The following ACYP2 variants were observed in gnomAD, a reference collection of about 807,000 sequenced individuals.
ACYP2 encodes acylphosphatase-2.
ACYP2 carries 12 observed loss-of-function variants against 11.2 expected under a neutral mutation model. The ratio of observed to expected loss-of-function variants is 1.08; its 90% confidence interval spans 0.69 to 1.74. The LOEUF (loss-of-function observed/expected upper bound fraction) is 1.74. Ranked by LOEUF, ACYP2 falls within the 40% of genes most tolerant of loss-of-function variation. The pLI is 0.00. For synonymous variants in ACYP2, 43 were observed against 32.2 expected (o/e 1.33, Z -1.13); for missense variants, 134 against 101.9 (o/e 1.31, Z -1.35).
intron 6 of ACYP2, among the ~76,000 whole-genome samples, chr2:54,280,412 G>A (rs1044566787): frequency 1.4e-4 from 21 of 152,074 alleles, no homozygotes; most frequent in African/African-American, 5.1e-4. Context: ...GATACAAGCG[G>A]GGAGGTTCAG....
intron 6 of ACYP2, among the ~76,000 whole-genome samples, chr2:54,191,243 C>G (rs1424526991): frequency 6.6e-6 from 1 of 152,172 alleles, no homozygotes; most frequent in Non-Finnish European, 1.5e-5. Context: ...GTTCAAGGCC[C>G]CATGTAAACT....
At chr2:54,150,681 C>T (rs1682115138) in intron 6 of ACYP2, among the ~76,000 whole-genome samples, 1 of 151,986 alleles carries the variant, frequency 6.6e-6, no homozygotes, top group Non-Finnish European at 1.5e-5. Flanking sequence ...CTCGGCCTCC[C>T]AAAGTGCTGG....
intron 4 of ACYP2, among the ~76,000 whole-genome samples, chr2:54,133,769 G>A (rs1224121730): frequency 2.0e-5 from 3 of 152,124 alleles, no homozygotes; most frequent in Non-Finnish European, 4.4e-5. Flanking sequence ...CACTAAAGGG[G>A]TCCCATACCA....
At chr2:54,117,621 G>A (rs970943924) in intron 4 of ACYP2, among the ~76,000 whole-genome samples, 3 of 152,170 alleles carry the variant, frequency 2.0e-5, no homozygotes, top group Non-Finnish European at 2.9e-5. Context: ...AAGACTGGGG[G>A]TGTTTATGGA....
At chr2:54,109,330 T>C (rs553360477) in intron 4 of ACYP2, among the ~76,000 whole-genome samples, 33 of 152,228 alleles carry the variant, frequency 2.2e-4, no homozygotes, top group African/African-American at 7.0e-4. Context: ...AAATATCGTA[T>C]GTTCTCACTG....
intron 6 of ACYP2, among the ~76,000 whole-genome samples, chr2:54,219,905 A>ATATATATATATATATTT (rs1288814375): frequency 1.3e-4 from 10 of 75,980 alleles, no homozygotes; most frequent in Non-Finnish European, 2.2e-4. Context: ...ATATATATAT[A>ATATATATATATATATTT]TTTTTTTTTT....
chr2:54,288,373 G>A (rs1689167134), intron 6 of ACYP2, among the ~76,000 whole-genome samples: 1 of 151,856 alleles, frequency 6.6e-6, no homozygotes, highest in African/African-American at 2.4e-5. Flanking sequence ...AAAAGCAGTG[G>A]GTGGTGTAGT....
chr2:54,233,136 A>G (rs1040993805), intron 6 of ACYP2, among the ~76,000 whole-genome samples: 12 of 151,372 alleles, frequency 7.9e-5, no homozygotes, highest in African/African-American at 1.7e-4. Context: ...TCTTTATTCT[A>G]TTAATGTGAT....
chr2:53,993,796 G>A (rs1355510343), intron 2 of ACYP2, among the ~76,000 whole-genome samples: 4 of 152,150 alleles, frequency 2.6e-5, no homozygotes, highest in Admixed American at 6.6e-5. Context: ...GGGAGTAGAG[G>A]GTTGTGGAAA....
intron 4 of ACYP2, among the ~76,000 whole-genome samples, chr2:54,126,851 G>C (rs909180785): frequency 5.9e-5 from 9 of 151,982 alleles, no homozygotes; most frequent in Non-Finnish European, 1.3e-4. Flanking sequence ...CTACCCGGGA[G>C]GGTGAGGCAG....
chr2:54,301,925 G>T (rs1445597239), intron 6 of ACYP2, among the ~76,000 whole-genome samples: 1 of 152,104 alleles, frequency 6.6e-6, no homozygotes, highest in East Asian at 1.9e-4. Flanking sequence ...AGCAACAGGG[G>T]AAGCATATAT....
At chr2:54,255,509 CGGAGTCCAGTTCCAGCT>C in intron 6 of ACYP2, 1 of 1,613,932 alleles carries the variant, frequency 6.2e-7, no homozygotes, top group Non-Finnish European at 8.5e-7. Context: ...TCTGCATTCA[CGGAGTCCAGTTCCAGCT>C]GGATGGACTC....
intron 6 of ACYP2, among the ~76,000 whole-genome samples, chr2:54,190,900 A>G (rs115320508): frequency 0.014 from 2,082 of 152,306 alleles, 50 homozygotes; most frequent in African/African-American, 0.046. Context: ...GCAAATGCCT[A>G]TATGAGCAAA....
chr2:54,256,069 T>C, intron 6 of ACYP2: 2 of 1,614,122 alleles, frequency 1.2e-6, no homozygotes, highest in Non-Finnish European at 1.7e-6. Flanking sequence ...CTTGCTCTTT[T>C]CTCGGGACCT....
At chr2:54,128,669 T>A (rs1369562638) in intron 4 of ACYP2, among the ~76,000 whole-genome samples, 1 of 152,038 alleles carries the variant, frequency 6.6e-6, no homozygotes. Flanking sequence ...CCCATCTCTT[T>A]AAAAAAATTC....
intron 6 of ACYP2, among the ~76,000 whole-genome samples, chr2:54,298,820 C>T (rs1192210934): frequency 3.3e-5 from 5 of 151,806 alleles, no homozygotes; most frequent in Non-Finnish European, 5.9e-5. Flanking sequence ...GGTGTGATCT[C>T]GGCTCATTGC....
intron 6 of ACYP2, among the ~76,000 whole-genome samples, chr2:54,218,281 C>T (rs1380202765): frequency 6.6e-6 from 1 of 152,172 alleles, no homozygotes; most frequent in African/African-American, 2.4e-5. Context: ...AGGATCTCAT[C>T]CTTGACTCCT....
At chr2:54,239,243 G>A (rs1235918706) in intron 6 of ACYP2, among the ~76,000 whole-genome samples, 2 of 152,044 alleles carry the variant, frequency 1.3e-5, no homozygotes, top group African/African-American at 4.8e-5. Flanking sequence ...TGATGGTCAT[G>A]GACTGTTCTG....
chr2:54,273,669 T>G (rs375137108), intron 6 of ACYP2, among the ~76,000 whole-genome samples: 40 of 152,292 alleles, frequency 2.6e-4, no homozygotes, highest in African/African-American at 9.1e-4. Flanking sequence ...TTTCACCATG[T>G]TTGCCAGGCT....
Sources: gnomAD v4.1 joint callset for allele counts (sites outside exome capture counted in the v4.1 genomes callset) on GRCh38, gnomAD v4.1.1 for gene constraint, MANE v1.5 for transcripts, NCBI Gene and HGNC (gene_info 2026-07-23, HGNC 2026-07-21) for gene names.